Variants in TASOR2 observed in about 807,000 individuals in gnomAD.
The protein encoded by TASOR2 is transcription activation suppressor family member 2.
A neutral mutation model predicts 199.5 loss-of-function variants in TASOR2; 84 were observed. That is an observed-to-expected ratio of 0.42 (90% CI 0.35 to 0.50). The LOEUF (loss-of-function observed/expected upper bound fraction) is 0.50, where lower values mean the gene tolerates loss of function less well. TASOR2 is among the 20% of genes least tolerant of loss of function. TASOR2 has a pLI of 0.02. For synonymous variants in TASOR2, 1,103 were observed against 1,046.6 expected (o/e 1.05, Z -1.04); for missense variants, 2,796 against 2,835.9 (o/e 0.99, Z 0.32).
At chr10:5,702,737 T>C (rs1164164551) in intron 1 of TASOR2, among the ~76,000 whole-genome samples, 1 of 146,810 alleles carries the variant, frequency 6.8e-6, no homozygotes, top group Non-Finnish European at 1.5e-5. Context: ...AGAAAACCGA[T>C]TCCGTAGAAT....
intron 17 of TASOR2, among the ~76,000 whole-genome samples, 188 bp downstream of exon 18, chr10:5,757,861 A>T (rs1331622106): frequency 6.7e-6 from 1 of 150,124 alleles, no homozygotes; most frequent in Non-Finnish European, 1.5e-5. Flanking sequence ...AATGCTTTTC[A>T]CCTCTTTTAA....
Position 5,699,809 on chromosome 10 carries a change from A to G in TASOR2, c.-287-13014A>G, listed in dbSNP as rs1837577745. The G allele has an allele frequency of 3.5e-6, 3 of 866,256 alleles. No individual in the cohort carries two copies. The highest frequency in any genetic ancestry group is 4.2e-6 in the Non-Finnish European group (3 of 721,538). 53.7% of individuals were successfully genotyped at this position (866,256 alleles called of 1,614,324 possible). On this transcript the variant is annotated intron_variant, in intron 1 of 20. Transcript: ENST00000328090. The surrounding 1 kb of genome is among the most constrained non-coding windows in gnomAD (Gnocchi z 4.1). ...AAAGATAGACAGGAGAAAAATGAGT[A>G]AAACAGGTACACATTTATTTTTATT...
Position 5,698,291 on chromosome 10 carries a change from T to G in TASOR2, c.-288+13116T>G, listed in dbSNP as rs528727942. On this transcript the variant is annotated intron_variant, in intron 1 of 20. Transcript: ENST00000328090. This position sits in a 1 kb window ranked among gnomAD's most constrained non-coding sequence, Gnocchi z 4.4. The stretch of plus-strand genomic sequence containing the variant: ...TCATTGGTTGAGGGAAGATGAGAGA[T>G]AGGAGAGTGAGGGCCACCCCAGCTG... Among the ~76,000 whole-genome samples the G allele has an allele frequency of 6.6e-6, 1 of 152,152 alleles. No individual in the cohort carries two copies. Among genetic ancestry groups the G allele is most frequent in the Non-Finnish European group, 1.5e-5 (1 of 68,016 alleles).
intron 17 of TASOR2, 22 bp downstream of exon 18, chr10:5,757,695 C>T (rs746450833): frequency 5.0e-6 from 8 of 1,610,086 alleles, no homozygotes; most frequent in Non-Finnish European, 5.9e-6. Context: ...TTTTCTTTTC[C>T]TGTTTCTTTG....
rs1833048425 is a variant in TASOR2 at position 5,719,221 on chromosome 10, T to G, written c.-99-1323T>G. ...AATTGCCTATAGTCCCATATCCCAT[T>G]TTGATATAAGTTAATAACATCTTGT... On this transcript the variant is annotated intron_variant, in intron 3 of 20. Coordinates refer to ENST00000328090, the Ensembl canonical transcript of TASOR2. The surrounding 1 kb of genome is among the most constrained non-coding windows in gnomAD (Gnocchi z 4.1). 6.6e-6 allele frequency among the ~76,000 whole-genome samples: 1 copy of G among 152,248 alleles called. No individual in the cohort carries two copies. The highest frequency in any genetic ancestry group is 1.5e-5 in the Non-Finnish European group (1 of 68,042).
chr10:5,699,705 C>A lies in TASOR2; in HGVS notation c.-287-13118C>A. 1.6e-6 allele frequency: 1 copy of A among 611,378 alleles called. No homozygotes were observed. The highest frequency in any genetic ancestry group is 2.0e-6 in the Non-Finnish European group (1 of 488,526). The allele number at this position is 611,378 out of a possible 1,614,324, so 37.9% of individuals were successfully genotyped here. A position where few individuals can be genotyped will look rare whatever the true frequency, so the allele number is the denominator to read the frequency against. ...ACACAAGGGAGACTAGACACCATGGCAAAGATCATAAAAGTAGAAATGAAA... is the reference window on the plus strand; with the variant it reads ...ACACAAGGGAGACTAGACACCATGGAAAAGATCATAAAAGTAGAAATGAAA... On this transcript the variant is annotated intron_variant, in intron 1 of 20. Transcript: ENST00000328090. The surrounding 1 kb of genome is among the most constrained non-coding windows in gnomAD (Gnocchi z 4.1).
chr10:5,710,661 T>A lies in TASOR2; in HGVS notation c.-287-2162T>A, dbSNP rs992297387. ...AATGAGGACGTATGTAACTTAAATC[T>A]GTGCCTACCTATTAATGACTTACAG... On this transcript the variant is annotated intron_variant, in intron 1 of 20. Coordinates refer to ENST00000328090, the Ensembl canonical transcript of TASOR2. This position sits in a 1 kb window ranked among gnomAD's most constrained non-coding sequence, Gnocchi z 4.6. Among the ~76,000 whole-genome samples, 3 of 152,138 alleles carry A rather than the reference T, an allele frequency of 2.0e-5. No individual in the cohort carries two copies. Among genetic ancestry groups the A allele is most frequent in the South Asian group, 4.1e-4 (2 of 4,834 alleles).
chr10:5,704,488 TA>T (rs1030467788), intron 1 of TASOR2, among the ~76,000 whole-genome samples: 2 of 152,290 alleles, frequency 1.3e-5, no homozygotes, highest in African/African-American at 4.8e-5. Flanking sequence ...TTTTTATTTG[TA>T]ATGTTGGTTT....
chr10:5,709,533 T>G, intron 1 of TASOR2: 2 of 1,230,786 alleles, frequency 1.6e-6, no homozygotes, highest in South Asian at 8.2e-5. Context: ...ATTTTAGCAT[T>G]TATGACATTA....
chr10:5,704,681 T>C (rs564484577), intron 1 of TASOR2, among the ~76,000 whole-genome samples: 83 of 152,186 alleles, frequency 5.5e-4, no homozygotes, highest in Non-Finnish European at 9.9e-4. Context: ...AGTTCTTGAA[T>C]TGACCGTAGC....
Position 5,762,515 on chromosome 10 carries a change from T to TTTTA in TASOR2, c.7175-14_7175-13insATTT, listed in dbSNP as rs766772489. Reference sequence around the variant, plus strand: ...TAATTATATTAACCAAAAGTTGTTTTTTTTTTTTTTTAACAGACAAGCCTA... The same window carrying TTTTA: ...TAATTATATTAACCAAAAGTTGTTTTTTTATTTTTTTTTTTAACAGACAAGCCTA... On this transcript the variant is annotated splice_polypyrimidine_tract_variant and intron_variant, in intron 19 of 20. Coordinates refer to ENST00000328090, the Ensembl canonical transcript of TASOR2. 24 of 599,542 alleles carry TTTTA rather than the reference T, an allele frequency of 4.0e-5. 1 individual carries two copies. Among genetic ancestry groups the TTTTA allele is most frequent in the Non-Finnish European group, 5.4e-5 (21 of 386,524 alleles). 37.1% of individuals were successfully genotyped at this position (599,542 alleles called of 1,614,324 possible). A position where few individuals can be genotyped will look rare whatever the true frequency, so the allele number is the denominator to read the frequency against.
exon 12 of TASOR2, chr10:5,735,434 A>C (rs1281813286): frequency 6.2e-7 from 1 of 1,614,194 alleles, no homozygotes; most frequent in South Asian, 1.1e-5. Flanking sequence ...AGAAATCTCC[A>C]GTCAAAACTG....
In TASOR2 at chr10:5,730,577, A is replaced by T; in HGVS notation, c.578A>T (p.Lys193Ile). The T allele has an allele frequency of 6.2e-7, 1 of 1,614,246 alleles. No individual in the cohort carries two copies. Among genetic ancestry groups the T allele is most frequent in the Non-Finnish European group, 8.5e-7 (1 of 1,180,044 alleles). The change falls in exon 11 of 21, where the codon AAA becomes ATA. Residue 193 changes from lysine to isoleucine, a missense_variant. By Grantham distance (102) the Lys-to-Ile change is moderately radical. Coordinates refer to ENST00000328090, the Ensembl canonical transcript of TASOR2. This position sits in a 1 kb window ranked among gnomAD's most constrained non-coding sequence, Gnocchi z 4.1. ...AATTGTGCCCTGCTAGAAACAAAGA[A>T]ATCACTTCCTGAAGAAAGAATCCAT...
chr10:5,732,837 C>T (rs1835016355), intron 11 of TASOR2, among the ~76,000 whole-genome samples: 2 of 152,174 alleles, frequency 1.3e-5, no homozygotes, highest in Admixed American at 1.3e-4. Context: ...TGTACCCAAC[C>T]TTGGTTTTAT....
Position 5,740,316 on chromosome 10 carries a change from G to A in TASOR2, c.2146G>A (p.Val716Met), listed in dbSNP as rs753955128. The change falls in exon 13 of 21, where the codon GTG becomes ATG. Residue 716 changes from valine (V) to methionine (M), a missense_variant. Coordinates refer to ENST00000328090, the Ensembl canonical transcript of TASOR2. This position sits in a 1 kb window ranked among gnomAD's most constrained non-coding sequence, Gnocchi z 5.3. Reference sequence around the variant, plus strand: ...GCAAAAGCCTCCTGACGACCCCGTGGTGAAGCCCAAGGATCGACCACCGTC... The same window carrying A: ...GCAAAAGCCTCCTGACGACCCCGTGATGAAGCCCAAGGATCGACCACCGTC... 1 of 1,614,184 alleles carries A rather than the reference G, an allele frequency of 6.2e-7. No individual in the cohort carries two copies.
intron 1 of TASOR2, among the ~76,000 whole-genome samples, chr10:5,697,829 T>C (rs551252206): frequency 6.6e-6 from 1 of 152,208 alleles, no homozygotes; most frequent in Non-Finnish European, 1.5e-5. Flanking sequence ...ATAACAAAAA[T>C]AGTATGTACA....
intron 17 of TASOR2, among the ~76,000 whole-genome samples, chr10:5,758,417 T>G (rs1839282048): frequency 6.6e-6 from 1 of 152,094 alleles, no homozygotes; most frequent in South Asian, 2.1e-4. Flanking sequence ...AGTGTGTGCC[T>G]GTAGTCCCAG....
intron 2 of TASOR2, chr10:5,714,719 G>A (rs1832390612): frequency 6.6e-6 from 1 of 152,218 alleles, no homozygotes; most frequent in Non-Finnish European, 1.5e-5. Context: ...CTACTTTATA[G>A]AGTTGTTGAG....
At chr10:5,732,544 G>GT (rs947177662) in intron 11 of TASOR2, among the ~76,000 whole-genome samples, 3 of 152,074 alleles carry the variant, frequency 2.0e-5, no homozygotes, top group Non-Finnish European at 2.9e-5. Flanking sequence ...ACCCTATGGA[G>GT]TTTTTTTTGT....
Sources: allele counts gnomAD v4.1 joint callset (sites outside exome capture counted in the v4.1 genomes callset), GRCh38; gene constraint gnomAD v4.1.1; non-coding constraint Gnocchi (gnomAD v3.1); transcripts MANE v1.5; gene names NCBI Gene and HGNC (gene_info 2026-07-23, HGNC 2026-07-21).